The following DIP2A variants were observed in gnomAD, a reference collection of about 807,000 sequenced individuals.
DIP2A encodes DIP2 acetate--CoA ligase A.
In DIP2A, 85 loss-of-function variants were observed where a neutral mutation model predicts 177.4. The ratio of observed to expected loss-of-function variants is 0.48; its 90% CI spans 0.40 to 0.57. DIP2A has a LOEUF of 0.57. DIP2A is among the 20% of genes least tolerant of loss of function. The probability of loss-of-function intolerance (pLI) is 0.00; values close to 1 mark genes in which losing one functional copy is unlikely to be tolerated. For synonymous variants in DIP2A, 886 were observed against 881.8 expected, an observed-to-expected ratio of 1.00 and a Z score of -0.08; for missense variants, 1,791 against 2,100.2, an observed-to-expected ratio of 0.85 and a Z score of 2.88.
rs765139452 is a variant in DIP2A, at chr21:46,545,126, T to C, written c.2177-11T>C. 4.5e-6 allele frequency: 7 copies of C among 1,570,266 alleles called. No individual in the cohort carries two copies. In the Admixed American group the frequency reaches 9.1e-5, roughly 20 times the overall value. ...GTTCTTGATAATTTTGAGTTTTTTT[T>C]CTCATTTTAGCTAATGTATGTGTTG... On this transcript the variant is annotated splice_polypyrimidine_tract_variant and intron_variant, in intron 18 of 37. Coordinates refer to ENST00000417564, the MANE Select transcript of DIP2A (RefSeq NM_015151.4).
At position 46,525,468 on chromosome 21, in the gene DIP2A, T is replaced by C. The variant is rs1442151718; in HGVS notation, c.1103-3624T>C. On this transcript the variant is annotated intron_variant, in intron 8 of 37. Coordinates refer to ENST00000417564, the MANE Select transcript of DIP2A (RefSeq NM_015151.4). The stretch of plus-strand genomic sequence containing the variant: ...GTTGAGTTGTCCACACATGGGTGGA[T>C]CTGTTTTGCTGTTCTCTGTTTTATT... 3 of 152,210 alleles carry C rather than the reference T, an allele frequency of 2.0e-5. No homozygotes were observed. In the South Asian group the frequency reaches 6.2e-4, roughly 31 times the overall value. 9.4% of individuals were successfully genotyped at this position (152,210 alleles called of 1,614,324 possible).
intron 8 of DIP2A, among the ~76,000 whole-genome samples, chr21:46,527,261 AT>A (rs781495554): frequency 2.0e-5 from 3 of 151,004 alleles, no homozygotes; most frequent in Non-Finnish European, 4.4e-5. Context: ...TTCTTTATGC[AT>A]TACAATTATT....
intron 3 of DIP2A, among the ~76,000 whole-genome samples, chr21:46,491,749 G>A (rs111718160): frequency 1.1e-4 from 16 of 152,050 alleles, no homozygotes; most frequent in Admixed American, 9.8e-4. Context: ...CCTTTCTGCC[G>A]CTCCTTATTT....
intron 1 of DIP2A, among the ~76,000 whole-genome samples, chr21:46,481,925 C>T (rs978145091): frequency 2.3e-4 from 35 of 152,102 alleles, no homozygotes; most frequent in Admixed American, 6.6e-5. Flanking sequence ...GTGGCGCATG[C>T]CTGTAATCCC....
At chr21:46,561,707 T>C in intron 33 of DIP2A, 41 bp from the exon 34 acceptor site, 1 of 1,606,286 alleles carries the variant, frequency 6.2e-7, no homozygotes, top group Non-Finnish European at 8.5e-7. Context: ...TTACTACCTG[T>C]GTAGTAAATT....
intron 1 of DIP2A, 25 bp from the exon 2 acceptor site, chr21:46,484,732 A>G (rs779513911): frequency 7.2e-6 from 11 of 1,530,306 alleles, no homozygotes; most frequent in Middle Eastern, 1.7e-4. Context: ...AAGAAATGCA[A>G]TTCTTTTTTC....
At position 46,534,696 on chromosome 21, in the gene DIP2A, T is replaced by C; in HGVS notation, c.1642+9T>C. On this transcript the variant is annotated intron_variant, in intron 13 of 37. Coordinates refer to ENST00000417564, the MANE Select transcript of DIP2A (RefSeq NM_015151.4). ...GTGCGGGTACTCAGAAGGTAAGGGCTCTCGGGGGTGGGGCGGTGGCCCCTC... is the reference window on the plus strand; with the variant it reads ...GTGCGGGTACTCAGAAGGTAAGGGCCCTCGGGGGTGGGGCGGTGGCCCCTC... 1.2e-6 allele frequency: 2 copies of C among 1,603,388 alleles called. No homozygotes were observed. The highest frequency in any genetic ancestry group is 1.1e-5 in the South Asian group (1 of 90,714).
chr21:46,566,007 G>GT, intron 36 of DIP2A, 120 bp downstream of exon 36: 1 of 1,105,658 alleles, frequency 9.0e-7, no homozygotes. Flanking sequence ...TGCTCCTTGT[G>GT]GGGGGAAGAT....
chr21:46,571,039 T>C (rs2060958261), downstream of DIP2A, among the ~76,000 whole-genome samples: 1 of 152,110 alleles, frequency 6.6e-6, no homozygotes, highest in African/African-American at 2.4e-5. Flanking sequence ...TAACAGTCTG[T>C]TAGGTACCAG....
At chr21:46,479,067 T>C (rs1248185331) in intron 1 of DIP2A, among the ~76,000 whole-genome samples, 1 of 152,238 alleles carries the variant, frequency 6.6e-6, no homozygotes, top group Non-Finnish European at 1.5e-5. Flanking sequence ...AGTGCTGCTC[T>C]ATTTTTAGTT....
the DIP2A span, among the ~76,000 whole-genome samples, chr21:46,581,396 C>G: frequency 6.6e-6 from 1 of 152,168 alleles, no homozygotes; most frequent in Non-Finnish European, 1.5e-5. Context: ...GAACATAACT[C>G]CTTTAGCTCA....
chr21:46,522,070 CCTGT>C (rs2058848685), intron 8 of DIP2A, among the ~76,000 whole-genome samples: 1 of 152,176 alleles, frequency 6.6e-6, no homozygotes, highest in Non-Finnish European at 1.5e-5. Context: ...TAATATCTGA[CCTGT>C]CTAATTTAGA....
At chr21:46,576,495 G>T in the DIP2A span, among the ~76,000 whole-genome samples, 5 of 152,138 alleles carry the variant, frequency 3.3e-5, no homozygotes, top group African/African-American at 1.2e-4. Flanking sequence ...TGGTGTAAAT[G>T]TACCACATTT....
Position 46,537,562 on chromosome 21 carries a change from C to T in DIP2A, c.1801+23C>T, listed in dbSNP as rs2059626713. The T allele has an allele frequency of 2.5e-6, 4 of 1,604,338 alleles. No homozygotes were observed. The South Asian group carries it at 3.3e-5, about 13-fold the overall frequency. On this transcript the variant is annotated intron_variant, in intron 15 of 37. Transcript: ENST00000417564. The surrounding 1 kb of genome is among the most constrained non-coding windows in gnomAD (Gnocchi z 4.1). ...AAGGTAACGGATACCATGGTCAGGG[C>T]CTTCACCCTTCTTTAGGGAAATCTC...
intron 1 of DIP2A, among the ~76,000 whole-genome samples, chr21:46,482,047 T>C (rs1380464836): frequency 6.6e-6 from 1 of 152,050 alleles, no homozygotes; most frequent in African/African-American, 2.4e-5. Flanking sequence ...AAACTCCGTC[T>C]CAAAAAAACA....
At chr21:46,475,990 C>T (rs2055806756) in intron 1 of DIP2A, among the ~76,000 whole-genome samples, 2 of 151,762 alleles carry the variant, frequency 1.3e-5, no homozygotes, top group Non-Finnish European at 2.9e-5. Flanking sequence ...AATCCCAGCA[C>T]TTCGGGAGGC....
chr21:46,511,426 C>T lies in DIP2A; in HGVS notation c.914C>T (p.Pro305Leu). 1 of 1,609,222 alleles carries T rather than the reference C, an allele frequency of 6.2e-7. No individual in the cohort carries two copies. Among genetic ancestry groups the T allele is most frequent in the East Asian group, 2.2e-5 (1 of 44,656 alleles). The change falls in exon 8 of 38, where the codon CCA becomes CTA. Residue 305 changes from proline (P) to leucine (L), a missense_variant. Physicochemically the swap from Pro to Leu is moderately conservative, Grantham distance 98. Transcript: ENST00000417564. Reference protein sequence around the residue: ...DFEELLEVQQPDPNQPKPEGS... With the variant: ...DFEELLEVQQLDPNQPKPEGS... ...TTGATTTTGCTTGTAGTTCAGCAAC[C>T]AGATCCAAATCAGCCAAAGCCTGAG...
intron 33 of DIP2A, 188 bp from the exon 34 acceptor site, chr21:46,561,560 G>A (rs565811854): frequency 2.3e-4 from 174 of 755,052 alleles, no homozygotes; most frequent in African/African-American, 1.9e-3. Flanking sequence ...TGCGGGTGGC[G>A]GCACTTGGGA....
At chr21:46,558,578 A>T in intron 32 of DIP2A, 185 bp downstream of exon 32, 1 of 639,572 alleles carries the variant, frequency 1.6e-6, no homozygotes. Context: ...GTTCTATTCT[A>T]GTTGGAGAAA....
Sources: gnomAD v4.1 joint callset for allele counts (sites outside exome capture counted in the v4.1 genomes callset) on GRCh38, gnomAD v4.1.1 for gene constraint, Gnocchi (gnomAD v3.1) non-coding constraint, MANE v1.5 for transcripts, NCBI Gene and HGNC (gene_info 2026-07-23, HGNC 2026-07-21) for gene names.